Variants in TSC2 observed in about 807,000 individuals in gnomAD.
The protein encoded by TSC2 is tuberin.
Under a neutral mutation model 202.2 loss-of-function variants are expected in TSC2, and 29 were observed. The observed-to-expected ratio is 0.14, with a 90% CI of 0.11 to 0.20. The LOEUF (loss-of-function observed/expected upper bound fraction) is 0.20. TSC2 is among the 10% of genes least tolerant of loss of function. The pLI, the probability that TSC2 is intolerant of heterozygous loss-of-function variation, is 1.00. For synonymous variants in TSC2, 1,349 were observed against 1,044.0 expected (o/e 1.29, Z -5.63); for missense variants, 2,429 against 2,420.0 (o/e 1.00, Z -0.08).
At position 2,089,350 on chromosome 16, in the gene TSC2, C is replaced by A. The variant is rs2091337779; in HGVS notation, c.*740C>A. ...AACTGGAGAGGTAATAACTTAGGGGCAGGGTGGCGGCGGTGCAGGCTAACC... is the reference window on the plus strand; with the variant it reads ...AACTGGAGAGGTAATAACTTAGGGGAAGGGTGGCGGCGGTGCAGGCTAACC... On this transcript the variant is annotated 3_prime_UTR_variant, in exon 42 of 42. Coordinates refer to ENST00000219476, the MANE Select transcript of TSC2 (RefSeq NM_000548.5). 2.9e-6 allele frequency: 1 copy of A among 342,196 alleles called. No individual in the cohort carries two copies. Among genetic ancestry groups the A allele is most frequent in the Non-Finnish European group, 5.4e-6 (1 of 184,020 alleles). The allele number at this position is 342,196 out of a possible 1,614,324, so 21.2% of individuals were successfully genotyped here.
rs202114637 is a variant in TSC2 at position 2,080,361 on chromosome 16, G to A, written c.3594G>A (p.Leu1198=). The A allele has an allele frequency of 3.1e-6, 5 of 1,611,784 alleles. No homozygotes were observed. Among genetic ancestry groups the A allele is most frequent in the Non-Finnish European group, 4.2e-6 (5 of 1,179,948 alleles). The change falls in exon 30 of 42, where the codon CTG becomes CTA. Residue 1198 remains leucine, a synonymous_variant. Coordinates refer to ENST00000219476, the MANE Select transcript of TSC2 (RefSeq NM_000548.5). ...TGACCCAGGGCTGGGCGGAGATCCTGGTCCGGAGGCCCACAGGTACTGGGC... is the reference window on the plus strand; with the variant it reads ...TGACCCAGGGCTGGGCGGAGATCCTAGTCCGGAGGCCCACAGGTACTGGGC... ...PLLTQGWAEI[L]VRRPTGNTSW...
In TSC2 at chr16:2,065,581, G is replaced by C. The variant is rs775617895; in HGVS notation, c.1662G>C (p.Ser554=). ...AAGAAAGGGATGTGGCCGCATACTC[G>C]GCCTCCTTGGAGGATGTGAAGACAG... ...ELEERDVAAY[S]ASLEDVKTAV... Residue 554 remains serine, a synonymous_variant, in exon 16 of 42, where the codon TCG becomes TCC. Coordinates refer to ENST00000219476, the MANE Select transcript of TSC2 (RefSeq NM_000548.5). 6.2e-7 allele frequency: 1 copy of C among 1,613,806 alleles called. No individual in the cohort carries two copies. The highest frequency in any genetic ancestry group is 8.5e-7 in the Non-Finnish European group (1 of 1,180,006).
chr16:2,063,167 G>A, intron 14 of TSC2, 114 bp downstream of exon 14: 1 of 1,287,342 alleles, frequency 7.8e-7, no homozygotes, highest in East Asian at 2.5e-5. Context: ...CTTCGGTCCT[G>A]CCGGACCCTC....
Position 2,079,754 on chromosome 16 carries a change from C to T in TSC2, c.3397+85C>T, listed in dbSNP as rs939294150. On this transcript the variant is annotated intron_variant, in intron 29 of 41. Transcript: ENST00000219476. The surrounding 1 kb of genome is among the most constrained non-coding windows in gnomAD (Gnocchi z 4.6). The stretch of plus-strand genomic sequence containing the variant: ...TCCCAGTGTTCAGGAAGGCCCCGAG[C>T]CCAGGGGCCGGGGTGGCTGGCTTCA... 5.6e-5 allele frequency: 79 copies of T among 1,399,970 alleles called. No homozygotes were observed. The African/African-American group carries it at 1.0e-3, about 18-fold the overall frequency. 86.7% of individuals were successfully genotyped at this position (1,399,970 alleles called of 1,614,324 possible). A position where few individuals can be genotyped will look rare whatever the true frequency, so the allele number is the denominator to read the frequency against.
chr16:2,084,887 C>CT (rs2090571289), intron 34 of TSC2, 64 bp from the exon 35 acceptor site: 1 of 1,607,620 alleles, frequency 6.2e-7, no homozygotes, highest in Admixed American at 1.7e-5. Context: ...GTGTTCCTCC[C>CT]TGTGGGCTGT....
chr16:2,069,673 G>A (rs1313635045), intron 16 of TSC2, among the ~76,000 whole-genome samples: 1 of 152,162 alleles, frequency 6.6e-6, no homozygotes, highest in East Asian at 1.9e-4. Context: ...GTAGAGACAG[G>A]GTTTCACCAT....
At chr16:2,058,681 C>G (rs1821695636) in intron 9 of TSC2, 66 bp from the exon 10 acceptor site, 1 of 1,546,706 alleles carries the variant, frequency 6.5e-7, no homozygotes. Context: ...GGCAACCTCA[C>G]ACATCCATGG....
At chr16:2,065,675 A>C in intron 16 of TSC2, 40 bp downstream of exon 16, 1 of 1,548,672 alleles carries the variant, frequency 6.5e-7, no homozygotes, top group Non-Finnish European at 8.9e-7. Flanking sequence ...CGGGGCGCGC[A>C]TGGCTAGCGT....
intron 22 of TSC2, chr16:2,075,320 G>A (rs1042323150): frequency 5.6e-6 from 1 of 179,594 alleles, no homozygotes; most frequent in Admixed American, 5.4e-5. Context: ...GAGGTCAGGA[G>A]ATCGAGACCA....
chr16:2,076,614 C>G (rs748015200), intron 25 of TSC2, 29 bp downstream of exon 25: 3 of 1,609,502 alleles, frequency 1.9e-6, no homozygotes, highest in Non-Finnish European at 2.5e-6. Flanking sequence ...TGCCTGGAGT[C>G]GGTGTGGGGT....
At chr16:2,082,856 A>G (rs2090307629) in intron 32 of TSC2, 2 of 434,212 alleles carry the variant, frequency 4.6e-6, no homozygotes, top group African/African-American at 2.0e-5. Flanking sequence ...CTGGGCCTGC[A>G]CCGAGCGGGC....
In TSC2 at chr16:2,084,197, CAG is replaced by C. The variant is rs397515235; in HGVS notation, c.4006-30_4006-29del. 344 of 1,557,800 alleles carry C rather than the reference CAG, an allele frequency of 2.2e-4. No individual in the cohort carries two copies. Among genetic ancestry groups the C allele is most frequent in the Middle Eastern group, 3.3e-4 (2 of 6,032 alleles). On this transcript the variant is annotated intron_variant, in intron 33 of 41. Coordinates refer to ENST00000219476, the MANE Select transcript of TSC2 (RefSeq NM_000548.5). ...AGGTGGGCTCGAGGGTGCCTGCTGA[CAG>C]GGGTTCTCTTTGGGATGGTCCTTTC...
chr16:2,076,840 T>G (rs1412943610), intron 25 of TSC2, among the ~76,000 whole-genome samples: 1 of 152,188 alleles, frequency 6.6e-6, no homozygotes, highest in East Asian at 1.9e-4. Context: ...GTGCAAGCTT[T>G]AGGCGCCTGA....
Position 2,088,547 on chromosome 16 carries a change from C to G in TSC2, c.5361C>G (p.Gly1787=), listed in dbSNP as rs1334165353. The G allele has an allele frequency of 6.2e-7, 1 of 1,611,826 alleles. No individual in the cohort carries two copies. The highest frequency in any genetic ancestry group is 8.5e-7 in the Non-Finnish European group (1 of 1,179,920). The change falls in exon 42 of 42, where the codon GGC becomes GGG. Residue 1787 remains glycine, a synonymous_variant. Transcript: ENST00000219476. The part of the protein sequence containing the change: ...PAQTPAEPTP[G]YEVGQRKRLI... ...AGACTCCAGCCGAGCCCACACCTGG[C>G]TATGAGGTGGGCCAGCGGAAGCGCC...
At chr16:2,086,487 C>G (rs1422861754) in intron 37 of TSC2, 108 bp downstream of exon 37, 1 of 1,485,394 alleles carries the variant, frequency 6.7e-7, no homozygotes, top group Non-Finnish European at 9.1e-7. Context: ...CCCCCACCTG[C>G]TCCAGCTCCC....
Position 2,079,575 on chromosome 16 carries a change from T to C in TSC2, c.3303T>C (p.His1101=), listed in dbSNP as rs1233334406. Residue 1101 remains histidine, a synonymous_variant, in exon 29 of 42, where the codon CAT becomes CAC. Coordinates refer to ENST00000219476, the MANE Select transcript of TSC2 (RefSeq NM_000548.5). This position sits in a 1 kb window ranked among gnomAD's most constrained non-coding sequence, Gnocchi z 4.6. ...TTCTCAGCTCCAGCCCCGGGGTGCA[T>C]GTGAGACAGACCAAGGAGGCGCCGG... ...GPESSSSPGV[H]VRQTKEAPAK... The C allele has an allele frequency of 4.3e-6, 7 of 1,611,310 alleles. No homozygotes were observed. Among genetic ancestry groups the C allele is most frequent in the South Asian group, 1.1e-5 (1 of 90,832 alleles).
chr16:2,069,467 A>G lies in TSC2; in HGVS notation c.1717-989A>G, dbSNP rs541638443. 3.7e-3 allele frequency among the ~76,000 whole-genome samples: 546 copies of G among 146,902 alleles called. 3 individuals carry two copies. The highest frequency in any genetic ancestry group is 7.0e-3 in the Non-Finnish European group (470 of 67,192). On this transcript the variant is annotated intron_variant, in intron 16 of 41. Transcript: ENST00000219476. ...GAGTAGCTGGGATTTACAGGCATGC[A>G]CCACCACACCTGGCTAATTTTTTTT...
chr16:2,067,004 C>T (rs2087474645), intron 16 of TSC2, among the ~76,000 whole-genome samples: 1 of 152,074 alleles, frequency 6.6e-6, no homozygotes, highest in African/African-American at 2.4e-5. Context: ...TTACGTGTGA[C>T]TGTCAGTGTC....
Position 2,056,731 on chromosome 16 carries a change from A to G in TSC2, c.736A>G (p.Thr246Ala), listed in dbSNP as rs137854123. The G allele has an allele frequency of 3.7e-6, 6 of 1,611,924 alleles. No homozygotes were observed. In the East Asian group the frequency reaches 8.9e-5, roughly 24 times the overall value. ...LPLFIVTLCR[T>A]INVKELCEPC... is the part of the protein sequence containing the mutation. ...GCTGTTCATCGTTACCCTCTGTCGC[A>G]CCATCAACGTCAAGGAGCTCTGCGA... The change falls in exon 8 of 42, where the codon ACC (threonine) becomes GCC (alanine). Residue 246 changes from threonine (T) to alanine (A), a missense_variant. Coordinates refer to ENST00000219476, the MANE Select transcript of TSC2 (RefSeq NM_000548.5).
Sources: allele counts gnomAD v4.1 joint callset (sites outside exome capture counted in the v4.1 genomes callset), GRCh38; gene constraint gnomAD v4.1.1; non-coding constraint Gnocchi (gnomAD v3.1); transcripts MANE v1.5; gene names NCBI Gene and HGNC (gene_info 2026-07-23, HGNC 2026-07-21).